Variants in CACNB4 observed in about 807,000 individuals in gnomAD.
CACNB4 encodes calcium voltage-gated channel auxiliary subunit beta 4, also known as voltage-dependent L-type calcium channel subunit beta-4.
In CACNB4, 32 loss-of-function variants were observed where a neutral mutation model predicts 71.2. The observed-to-expected ratio is 0.45, with a 90% CI of 0.34 to 0.60. The LOEUF (loss-of-function observed/expected upper bound fraction) is 0.60, where lower values mean the gene tolerates loss of function less well. Among genes scored for constraint, CACNB4 ranks in the 20% least tolerant of loss-of-function variants. The pLI, the probability that CACNB4 is intolerant of heterozygous loss-of-function variation, is 0.01. For missense variants in CACNB4, 464 were observed against 647.9 expected, an observed-to-expected ratio of 0.72 and a Z score of 3.08; for synonymous variants, 231 against 236.9, an observed-to-expected ratio of 0.97 and a Z score of 0.23.
intron 2 of CACNB4, among the ~76,000 whole-genome samples, chr2:151,994,289 G>GTACAATCTTGGCT (rs1480423025): frequency 6.6e-6 from 1 of 151,466 alleles, no homozygotes; most frequent in Non-Finnish European, 1.5e-5. Context: ...GAGTGCAGTG[G>GTACAATCTTGGCT]CATGATCATG....
intron 2 of CACNB4, among the ~76,000 whole-genome samples, chr2:151,905,932 G>C (rs1053166381): frequency 7.2e-5 from 11 of 152,226 alleles, no homozygotes; most frequent in African/African-American, 2.7e-4. Flanking sequence ...GATACAGCCA[G>C]ATTACCTTTA....
chr2:151,931,567 A>T (rs563242518), intron 2 of CACNB4, among the ~76,000 whole-genome samples: 24 of 152,262 alleles, frequency 1.6e-4, no homozygotes, highest in African/African-American at 5.8e-4. Flanking sequence ...GAAGCTCCCA[A>T]AGCACATTTG....
intron 2 of CACNB4, among the ~76,000 whole-genome samples, chr2:152,095,094 T>C (rs1043212122): frequency 2.0e-5 from 3 of 152,336 alleles, no homozygotes; most frequent in East Asian, 3.9e-4. Context: ...TCTTCTCACC[T>C]TTCCTCAAAG....
intron 2 of CACNB4, among the ~76,000 whole-genome samples, chr2:152,022,790 C>A (rs1683742157): frequency 6.6e-6 from 1 of 152,166 alleles, no homozygotes; most frequent in South Asian, 2.1e-4. Context: ...CCATCACCTA[C>A]AATGTTGTTG....
intron 5 of CACNB4, among the ~76,000 whole-genome samples, chr2:151,876,006 C>T (rs997757273): frequency 6.9e-5 from 10 of 145,768 alleles, no homozygotes; most frequent in African/African-American, 2.5e-4. Flanking sequence ...GACGGGGCGG[C>T]TGGCCGGGCA....
chr2:152,054,348 A>G (rs1022616347), intron 2 of CACNB4, among the ~76,000 whole-genome samples: 2 of 146,072 alleles, frequency 1.4e-5, no homozygotes, highest in African/African-American at 5.2e-5. Context: ...CCTGGGCGAC[A>G]AAGCAAAACT....
At chr2:152,031,424 C>T (rs571959402) in intron 2 of CACNB4, among the ~76,000 whole-genome samples, 19 of 152,308 alleles carry the variant, frequency 1.2e-4, no homozygotes, top group African/African-American at 4.3e-4. Flanking sequence ...AAACATGGGA[C>T]TCTGAGGATG....
chr2:151,994,183 C>T (rs569288333), intron 2 of CACNB4, among the ~76,000 whole-genome samples: 1 of 151,604 alleles, frequency 6.6e-6, no homozygotes, highest in African/African-American at 2.4e-5. Context: ...TAAAAAAAAA[C>T]ACCACCGAGG....
chr2:151,882,640 C>G (rs2099848224), intron 3 of CACNB4, among the ~76,000 whole-genome samples: 1 of 152,176 alleles, frequency 6.6e-6, no homozygotes, highest in South Asian at 2.1e-4. Context: ...AGTGACTCTT[C>G]TGGTTCTAAC....
chr2:152,054,884 G>A (rs1685645044), intron 2 of CACNB4, among the ~76,000 whole-genome samples: 1 of 152,120 alleles, frequency 6.6e-6, no homozygotes, highest in Admixed American at 6.6e-5. Context: ...TTGGACAAAT[G>A]TCTATTCCTA....
intron 2 of CACNB4, among the ~76,000 whole-genome samples, chr2:151,964,186 G>A (rs533097418): frequency 1.3e-5 from 2 of 151,468 alleles, no homozygotes; most frequent in Non-Finnish European, 2.9e-5. Flanking sequence ...AAACCACGCT[G>A]CACAGCAATT....
At chr2:152,070,086 G>A (rs915386106) in intron 2 of CACNB4, among the ~76,000 whole-genome samples, 14 of 152,056 alleles carry the variant, frequency 9.2e-5, no homozygotes, top group African/African-American at 2.4e-4. Context: ...CTCGTGATCC[G>A]CCCGTCTTGG....
At chr2:152,020,856 T>C (rs1464599869) in intron 2 of CACNB4, among the ~76,000 whole-genome samples, 31 of 152,240 alleles carry the variant, frequency 2.0e-4, no homozygotes, top group East Asian at 3.8e-4. Context: ...AATTGTGCTT[T>C]ACATAAATGT....
intron 2 of CACNB4, among the ~76,000 whole-genome samples, chr2:152,072,619 G>T (rs137910244): frequency 4.3e-4 from 65 of 151,938 alleles, no homozygotes; most frequent in Non-Finnish European, 6.2e-4. Context: ...AGGCACAGAA[G>T]TTGATTACCT....
chr2:151,893,413 T>C (rs913310747), intron 2 of CACNB4, among the ~76,000 whole-genome samples: 57 of 152,140 alleles, frequency 3.7e-4, no homozygotes, highest in Non-Finnish European at 1.5e-4. Flanking sequence ...AGCTAATTTT[T>C]ATATTTTTCA....
At chr2:152,018,501 T>G (rs1310231135) in intron 2 of CACNB4, among the ~76,000 whole-genome samples, 2 of 152,094 alleles carry the variant, frequency 1.3e-5, no homozygotes, top group East Asian at 3.8e-4. Flanking sequence ...TGCAGACTAT[T>G]TTCAAAAGAC....
chr2:152,011,166 G>T (rs1407620353), intron 2 of CACNB4, among the ~76,000 whole-genome samples: 2 of 152,124 alleles, frequency 1.3e-5, no homozygotes, highest in African/African-American at 4.8e-5. Context: ...GTACAGGTGA[G>T]AGCCCACCTA....
At chr2:151,893,646 TCTA>T in intron 2 of CACNB4, among the ~76,000 whole-genome samples, 1 of 152,158 alleles carries the variant, frequency 6.6e-6, no homozygotes, top group Admixed American at 6.5e-5. Flanking sequence ...TAAACACACC[TCTA>T]CTACCACTAA....
In CACNB4 at chr2:151,905,790, T is replaced by C. The variant is rs1229471953; in HGVS notation, c.148-22420A>G. Among the ~76,000 whole-genome samples, 11 of 152,334 alleles carry C rather than the reference T, an allele frequency of 7.2e-5. No individual in the cohort carries two copies. In the East Asian group the frequency reaches 2.1e-3, roughly 29 times the overall value. The stretch of plus-strand genomic sequence containing the variant: ...GCAAGAAGGGCTAGATTTCAATAAA[T>C]ATTCACTGACAAGAAATGGGAATGT... On this transcript the variant is annotated intron_variant, in intron 2 of 13. Coordinates refer to ENST00000539935, the MANE Select transcript of CACNB4 (RefSeq NM_000726.5).
Sources: allele counts gnomAD v4.1 joint callset (sites outside exome capture counted in the v4.1 genomes callset), GRCh38; gene constraint gnomAD v4.1.1; transcripts MANE v1.5; gene names NCBI Gene and HGNC (gene_info 2026-07-23, HGNC 2026-07-21).